The following SHISAL2A variants were observed in gnomAD, a reference collection of about 807,000 sequenced individuals.
SHISAL2A encodes shisa like 2A.
A neutral mutation model predicts 11.5 loss-of-function variants in SHISAL2A; 18 were observed. The ratio of observed to expected loss-of-function variants is 1.57; its 90% CI spans 1.08 to 2.33. The LOEUF (loss-of-function observed/expected upper bound fraction) is 2.33. Among genes scored for constraint, SHISAL2A ranks in the 30% most tolerant of loss-of-function variants. The probability of loss-of-function intolerance (pLI) is 0.00; values close to 1 mark genes in which losing one functional copy is unlikely to be tolerated. For missense variants in SHISAL2A, 261 were observed against 250.9 expected, an observed-to-expected ratio of 1.04 and a Z score of -0.27; for synonymous variants, 94 against 99.6, an observed-to-expected ratio of 0.94 and a Z score of 0.34.
In SHISAL2A at chr1:52,633,269, C is replaced by T. The variant is rs1343967834; in HGVS notation, c.-225C>T. 13 of 363,182 alleles carry T rather than the reference C, an allele frequency of 3.6e-5. No individual in the cohort carries two copies. Among genetic ancestry groups the T allele is most frequent in the Non-Finnish European group, 6.3e-5 (13 of 205,294 alleles). The allele number at this position is 363,182 out of a possible 1,614,324, so 22.5% of individuals were successfully genotyped here. A position where few individuals can be genotyped will look rare whatever the true frequency, so the allele number is the denominator to read the frequency against. On this transcript the variant is annotated 5_prime_UTR_variant, in exon 1 of 3. Transcript: ENST00000517870. The surrounding 1 kb of genome is among the most constrained non-coding windows in gnomAD (Gnocchi z 6.4). ...ACTCCCGCCGCCGGCCCCCGCCGCC[C>T]GCCCCGCCTGCCCCTACCCCTCCGC... is the stretch of plus-strand genomic sequence containing the variant.
rs933743866 is a variant in SHISAL2A at position 52,642,810 on chromosome 1, G to A, written c.183-53G>A. On this transcript the variant is annotated intron_variant, in intron 1 of 2. Coordinates refer to ENST00000517870, the MANE Select transcript of SHISAL2A (RefSeq NM_001042693.3). ...TAGCTACAACACTTTTATAACATCT[G>A]TCTCCCAAGTCCCTTCCTGACTCTC... 2.5e-6 allele frequency: 4 copies of A among 1,574,052 alleles called. No homozygotes were observed. The African/African-American group carries it at 4.1e-5, about 16-fold the overall frequency.
intron 1 of SHISAL2A, among the ~76,000 whole-genome samples, chr1:52,634,207 C>T (rs1394147845): frequency 2.0e-5 from 3 of 152,170 alleles, no homozygotes; most frequent in Non-Finnish European, 2.9e-5. Flanking sequence ...CACATCCTGA[C>T]TCCAAATATT....
rs1461365474 is a variant in SHISAL2A at position 52,633,328 on chromosome 1, G to C, written c.-166G>C. 3 of 628,188 alleles carry C rather than the reference G, an allele frequency of 4.8e-6. No homozygotes were observed. The highest frequency in any genetic ancestry group is 7.4e-6 in the Non-Finnish European group (3 of 404,900). The allele number at this position is 628,188 out of a possible 1,614,324, so 38.9% of individuals were successfully genotyped here. The stretch of plus-strand genomic sequence containing the variant: ...GGCACCTGGCCGCCGCTCGGTCCTC[G>C]GGGCCCCGCGCTGCTGTCTCTGTCT... On this transcript the variant is annotated 5_prime_UTR_variant, in exon 1 of 3. Coordinates refer to ENST00000517870, the MANE Select transcript of SHISAL2A (RefSeq NM_001042693.3). This position sits in a 1 kb window ranked among gnomAD's most constrained non-coding sequence, Gnocchi z 6.4.
At chr1:52,652,858 C>A (rs1473021452) in intron 2 of SHISAL2A, among the ~76,000 whole-genome samples, 1 of 145,508 alleles carries the variant, frequency 6.9e-6, no homozygotes, top group Non-Finnish European at 1.5e-5. Flanking sequence ...CCCAGCTACT[C>A]GGGAGGCTGA....
In SHISAL2A at chr1:52,647,045, G is replaced by C. The variant is rs1172117983; in HGVS notation, c.322+4043G>C. On this transcript the variant is annotated intron_variant, in intron 2 of 2. Coordinates refer to ENST00000517870, the MANE Select transcript of SHISAL2A (RefSeq NM_001042693.3). ...CACAGAGTTTCGTTATATTGGCCAGGCTGGTCTTGAATTACTGAACTTAGG... is the reference window on the plus strand; with the variant it reads ...CACAGAGTTTCGTTATATTGGCCAGCCTGGTCTTGAATTACTGAACTTAGG... Among the ~76,000 whole-genome samples, 3 of 152,034 alleles carry C rather than the reference G, an allele frequency of 2.0e-5. No homozygotes were observed. The East Asian group carries it at 5.8e-4, about 29-fold the overall frequency.
At chr1:52,663,540 C>T (rs1012673499) in intron 4 of SHISAL2A, among the ~76,000 whole-genome samples, 3 of 152,204 alleles carry the variant, frequency 2.0e-5, no homozygotes, top group Non-Finnish European at 4.4e-5. Flanking sequence ...ACGGGTGGAT[C>T]ACCTAAGGTC....
chr1:52,633,508 C>G lies in SHISAL2A; in HGVS notation c.15C>G (p.Cys5Trp). MSGA[C>W]TSYVSAEQEV... Reference sequence around the variant, plus strand: ...CGCGGGGCGCGATGAGCGGCGCCTGCACGAGCTACGTGAGCGCAGAGCAGG... The same window carrying G: ...CGCGGGGCGCGATGAGCGGCGCCTGGACGAGCTACGTGAGCGCAGAGCAGG... The change falls in exon 1 of 3, where the codon TGC becomes TGG. Residue 5 changes from cysteine (C) to tryptophan (W), a missense_variant. Physicochemically the swap from Cys to Trp is radical, Grantham distance 215 (BLOSUM62 -2). Coordinates refer to ENST00000517870, the MANE Select transcript of SHISAL2A (RefSeq NM_001042693.3). This position sits in a 1 kb window ranked among gnomAD's most constrained non-coding sequence, Gnocchi z 6.4. 3 of 1,539,300 alleles carry G rather than the reference C, an allele frequency of 1.9e-6. No homozygotes were observed. The highest frequency in any genetic ancestry group is 2.6e-6 in the Non-Finnish European group (3 of 1,148,848).
chr1:52,636,483 G>T (rs72907527), intron 1 of SHISAL2A, among the ~76,000 whole-genome samples: 1,976 of 152,260 alleles, frequency 0.013, 40 homozygotes, highest in African/African-American at 0.045. Flanking sequence ...TTTGTGTGAT[G>T]GAATTGTAAG....
chr1:52,641,094 G>A (rs576549540), intron 1 of SHISAL2A, among the ~76,000 whole-genome samples: 13 of 152,264 alleles, frequency 8.5e-5, no homozygotes, highest in South Asian at 4.1e-4. Context: ...GAAGCTCCAC[G>A]CCCCTCCCTT....
At chr1:52,665,509 C>T (rs1463112024) in intron 4 of SHISAL2A, among the ~76,000 whole-genome samples, 1 of 152,160 alleles carries the variant, frequency 6.6e-6, no homozygotes, top group African/African-American at 2.4e-5. Context: ...TTATCATGAG[C>T]TCATCACCCT....
intron 2 of SHISAL2A, among the ~76,000 whole-genome samples, chr1:52,654,397 T>C (rs1691744660): frequency 6.6e-6 from 1 of 152,170 alleles, no homozygotes; most frequent in African/African-American, 2.4e-5. Flanking sequence ...TAAGACTTAT[T>C]GTATAGCAAC....
At chr1:52,647,699 G>A (rs1691530998) in intron 2 of SHISAL2A, among the ~76,000 whole-genome samples, 1 of 151,874 alleles carries the variant, frequency 6.6e-6, no homozygotes, top group South Asian at 2.1e-4. Context: ...ACAAAAATTA[G>A]CCAGACATAG....
intron 1 of SHISAL2A, among the ~76,000 whole-genome samples, chr1:52,636,947 C>A (rs894254992): frequency 6.6e-6 from 1 of 152,172 alleles, no homozygotes; most frequent in Non-Finnish European, 1.5e-5. Context: ...CCCCTGGGGA[C>A]ACAGAGGTGA....
At chr1:52,651,091 T>C (rs1202428834) in intron 2 of SHISAL2A, among the ~76,000 whole-genome samples, 2 of 152,160 alleles carry the variant, frequency 1.3e-5, no homozygotes, top group Non-Finnish European at 2.9e-5. Flanking sequence ...TAACTTTCAG[T>C]TGGATAGAAC....
At chr1:52,640,576 G>A (rs1691341233) in intron 1 of SHISAL2A, among the ~76,000 whole-genome samples, 1 of 151,902 alleles carries the variant, frequency 6.6e-6, no homozygotes, top group African/African-American at 2.4e-5. Flanking sequence ...CTACCAGGGA[G>A]GCTGAGGCAG....
intron 4 of SHISAL2A, among the ~76,000 whole-genome samples, chr1:52,666,748 G>C (rs930289068): frequency 1.3e-5 from 2 of 152,092 alleles, no homozygotes; most frequent in African/African-American, 4.8e-5. Context: ...AAGCAAAAAG[G>C]GTCTTTACTG....
rs186245297 is a variant in SHISAL2A at position 52,645,247 on chromosome 1, A to T, written c.322+2245A>T. On this transcript the variant is annotated intron_variant, in intron 2 of 2. Transcript: ENST00000517870. ...AATAATCCAGCTGTGACTGAGCAGC[A>T]AAAAGCAGGAGGGGTCACTTTTGAG... is the stretch of plus-strand genomic sequence containing the variant. 1.9e-3 allele frequency among the ~76,000 whole-genome samples: 294 copies of T among 152,320 alleles called. 1 individual carries two copies. Among genetic ancestry groups the T allele is most frequent in the African/African-American group, 6.7e-3 (280 of 41,564 alleles).
At chr1:52,655,829 C>G (rs1248093062) in intron 2 of SHISAL2A, among the ~76,000 whole-genome samples, 1 of 152,174 alleles carries the variant, frequency 6.6e-6, no homozygotes, top group Non-Finnish European at 1.5e-5. Context: ...GATCTTAGAT[C>G]TCTCTGGCTA....
intron 2 of SHISAL2A, 21 bp downstream of exon 2, chr1:52,643,023 T>A: frequency 6.2e-7 from 1 of 1,613,412 alleles, no homozygotes; most frequent in Non-Finnish European, 8.5e-7. Flanking sequence ...TGCCAGGTGA[T>A]GTCCTTGTAT....
Sources: gnomAD v4.1 joint callset for allele counts (sites outside exome capture counted in the v4.1 genomes callset) on GRCh38, gnomAD v4.1.1 for gene constraint, Gnocchi (gnomAD v3.1) non-coding constraint, MANE v1.5 for transcripts, NCBI Gene and HGNC (gene_info 2026-07-23, HGNC 2026-07-21) for gene names.